BLTP3B: variants seen among roughly 807,000 people sequenced by gnomAD.
The protein encoded by BLTP3B is UHRF1 (ICBP90) binding protein 1-like.
the BLTP3B span, among the ~76,000 whole-genome samples, chr12:100,122,542 G>A: frequency 2.0e-5 from 3 of 152,172 alleles, no homozygotes; most frequent in East Asian, 3.8e-4. Context: ...CCCTCAAGGA[G>A]CTTTCAGTGT....
At chr12:100,131,502 A>G in the BLTP3B span, among the ~76,000 whole-genome samples, 1 of 152,174 alleles carries the variant, frequency 6.6e-6, no homozygotes, top group East Asian at 1.9e-4. Context: ...AATATGCATA[A>G]AGTTCAAATT....
At chr12:100,051,379 T>G in the BLTP3B span, 6 of 558,698 alleles carry the variant, frequency 1.1e-5, no homozygotes, top group Non-Finnish European at 1.7e-5. Flanking sequence ...TGTAATTAGT[T>G]AGCAAACAAT....
At chr12:100,075,847 G>T in the BLTP3B span, among the ~76,000 whole-genome samples, 167 of 152,268 alleles carry the variant, frequency 1.1e-3, 2 homozygotes, top group African/African-American at 3.9e-3. Flanking sequence ...TCAAAATACA[G>T]ATGCTGGTGA....
At chr12:100,040,223 C>T in the BLTP3B span, among the ~76,000 whole-genome samples, 2 of 152,122 alleles carry the variant, frequency 1.3e-5, no homozygotes, top group Non-Finnish European at 2.9e-5. Flanking sequence ...CTATAAACAA[C>T]AGTATGTCAA....
chr12:100,130,957 T>TAG, the BLTP3B span, among the ~76,000 whole-genome samples: 8 of 102,956 alleles, frequency 7.8e-5, no homozygotes, highest in Non-Finnish European at 1.3e-4. Flanking sequence ...TACATATATA[T>TAG]ATATAGAGAG....
the BLTP3B span, among the ~76,000 whole-genome samples, chr12:100,141,559 TC>T: frequency 0.029 from 4,445 of 152,250 alleles, 207 homozygotes; most frequent in African/African-American, 0.099. Context: ...AGAATTCTGT[TC>T]CCAATATATA....
At chr12:100,085,761 T>G in the BLTP3B span, among the ~76,000 whole-genome samples, 1 of 152,140 alleles carries the variant, frequency 6.6e-6, no homozygotes, top group Non-Finnish European at 1.5e-5. Flanking sequence ...CATACTTTTT[T>G]TTTCTTTTCA....
At chr12:100,108,585 C>T in the BLTP3B span, 12 of 1,542,786 alleles carry the variant, frequency 7.8e-6, no homozygotes, top group Non-Finnish European at 1.1e-5. Flanking sequence ...ATTTATGTGT[C>T]AGTTACTATA....
chr12:100,095,813 T>C, the BLTP3B span: 1 of 1,609,746 alleles, frequency 6.2e-7, no homozygotes, highest in Non-Finnish European at 8.5e-7. Context: ...ACTAACTTTG[T>C]TGCTATGACA....
chr12:100,075,201 G>A, the BLTP3B span, among the ~76,000 whole-genome samples: 2 of 151,914 alleles, frequency 1.3e-5, no homozygotes, highest in South Asian at 4.2e-4. Context: ...TAGTAGAGAT[G>A]GGGTTTCACT....
chr12:100,109,159 CCTCTCTCTCTCT>C, the BLTP3B span, among the ~76,000 whole-genome samples: 5,119 of 65,326 alleles, frequency 0.078, 190 homozygotes, highest in Admixed American at 0.094. Flanking sequence ...TGGCAGTTTT[CCTCTCTCTCTCT>C]CTCTCTCTCT....
chr12:100,042,875 CT>C, the BLTP3B span, among the ~76,000 whole-genome samples: 1 of 152,216 alleles, frequency 6.6e-6, no homozygotes, highest in African/African-American at 2.4e-5. Flanking sequence ...TCTTGGCTCA[CT>C]GCAACCTCCG....
the BLTP3B span, among the ~76,000 whole-genome samples, chr12:100,050,702 C>T: frequency 6.6e-6 from 1 of 151,854 alleles, no homozygotes; most frequent in Non-Finnish European, 1.5e-5. Flanking sequence ...GTCCCAGCTA[C>T]TAGGGAGGCT....
At chr12:100,066,685 T>C in the BLTP3B span, among the ~76,000 whole-genome samples, 1 of 150,370 alleles carries the variant, frequency 6.7e-6, no homozygotes, top group African/African-American at 2.4e-5. Flanking sequence ...GCACCTGTAG[T>C]CCCAGCTACT....
chr12:100,136,739 T>C, the BLTP3B span, among the ~76,000 whole-genome samples: 2 of 152,240 alleles, frequency 1.3e-5, no homozygotes, highest in Non-Finnish European at 2.9e-5. Context: ...TCTCCAATTA[T>C]ATGCACCTTA....
chr12:100,118,089 A>G, the BLTP3B span, among the ~76,000 whole-genome samples: 2 of 152,050 alleles, frequency 1.3e-5, no homozygotes, highest in Admixed American at 6.6e-5. Flanking sequence ...AAAAAAAATG[A>G]GTAATTTTAT....
the BLTP3B span, among the ~76,000 whole-genome samples, chr12:100,137,535 T>C: frequency 6.6e-6 from 1 of 152,150 alleles, no homozygotes; most frequent in Non-Finnish European, 1.5e-5. Flanking sequence ...CCCAGACTGA[T>C]CTCAAACTGC....
chr12:100,058,621 C>G, the BLTP3B span: 2 of 1,613,888 alleles, frequency 1.2e-6, no homozygotes, highest in Non-Finnish European at 1.7e-6. Context: ...CTTTCAGAAA[C>G]AGGAGACTTA....
At chr12:100,070,290 A>AT in the BLTP3B span, 155,279 of 928,650 alleles carry the variant, frequency 0.17, 6,061 homozygotes, top group African/African-American at 0.46. Flanking sequence ...TAATTAATTA[A>AT]TTTTTTTTTT....
Sources: allele counts gnomAD v4.1 joint callset (sites outside exome capture counted in the v4.1 genomes callset), GRCh38; gene constraint gnomAD v4.1.1; transcripts MANE v1.5; gene names NCBI Gene and HGNC (gene_info 2026-07-23, HGNC 2026-07-21).